Variants in COL19A1 observed in about 807,000 individuals in gnomAD.
COL19A1 encodes the protein collagen alpha-1(XIX) chain.
In COL19A1, 159 loss-of-function variants were observed where a neutral mutation model predicts 190.2. That is an observed-to-expected ratio of 0.84 (90% confidence interval 0.73 to 0.95). The LOEUF is 0.95. COL19A1 is among the 40% of genes least tolerant of loss of function. The pLI, the probability that COL19A1 is intolerant of heterozygous loss-of-function variation, is 0.00. For synonymous variants in COL19A1, 509 were observed against 458.9 expected (o/e 1.11, Z -1.39); for missense variants, 1,418 against 1,431.9 (o/e 0.99, Z 0.16).
intron 4 of COL19A1, among the ~76,000 whole-genome samples, chr6:69,921,360 AT>A (rs1465571902): frequency 1.0e-5 from 1 of 100,464 alleles, no homozygotes; most frequent in Non-Finnish European, 1.8e-5. Flanking sequence ...TATCATAATC[AT>A]ATATATCATA....
intron 17 of COL19A1, among the ~76,000 whole-genome samples, chr6:70,129,528 G>A (rs909543253): frequency 6.6e-6 from 1 of 152,190 alleles, no homozygotes; most frequent in African/African-American, 2.4e-5. Flanking sequence ...CATGCACATG[G>A]GTTGGTACAT....
chr6:69,976,373 G>C (rs930102306), intron 11 of COL19A1, among the ~76,000 whole-genome samples: 6 of 152,132 alleles, frequency 3.9e-5, no homozygotes, highest in Non-Finnish European at 1.5e-5. Context: ...CTGGGTTTTG[G>C]AATATATTTG....
intron 33 of COL19A1, 34 bp downstream of exon 33, chr6:70,156,403 G>GGA: frequency 6.2e-7 from 1 of 1,603,324 alleles, no homozygotes; most frequent in Non-Finnish European, 8.5e-7. Context: ...TCCCCTGTGG[G>GGA]AACCTCAATT....
intron 2 of COL19A1, among the ~76,000 whole-genome samples, chr6:69,884,888 G>A (rs117913500): frequency 0.1 from 15,093 of 144,906 alleles, 958 homozygotes; most frequent in Middle Eastern, 0.31. Flanking sequence ...ACTGAGTCTC[G>A]CTCTGTTGCC....
chr6:70,175,697 TA>T (rs1472858135), intron 41 of COL19A1, among the ~76,000 whole-genome samples: 1 of 152,142 alleles, frequency 6.6e-6, no homozygotes, highest in Non-Finnish European at 1.5e-5. Flanking sequence ...TTAATTTTTT[TA>T]TCCTCTCAGT....
intron 5 of COL19A1, among the ~76,000 whole-genome samples, chr6:69,929,014 T>G (rs1772578195): frequency 6.6e-6 from 1 of 152,132 alleles, no homozygotes. Context: ...ACATTCTTAG[T>G]CTTCTTAAAT....
At chr6:70,082,456 A>C (rs1782310913) in intron 15 of COL19A1, among the ~76,000 whole-genome samples, 1 of 152,168 alleles carries the variant, frequency 6.6e-6, no homozygotes, top group African/African-American at 2.4e-5. Flanking sequence ...TGTCTTCCCC[A>C]GGCTGGAGTG....
intron 14 of COL19A1, among the ~76,000 whole-genome samples, chr6:70,062,634 T>C (rs936640772): frequency 3.5e-4 from 53 of 152,156 alleles, no homozygotes; most frequent in Middle Eastern, 6.8e-3. Flanking sequence ...GTAACAATAT[T>C]AACCTTAAAT....
intron 27 of COL19A1, among the ~76,000 whole-genome samples, chr6:70,147,431 T>C (rs1786738026): frequency 1.3e-5 from 2 of 152,100 alleles, no homozygotes; most frequent in Admixed American, 6.6e-5. Context: ...TAATGACCAC[T>C]ATATCCACAC....
chr6:70,177,445 C>T (rs75625971), intron 42 of COL19A1, among the ~76,000 whole-genome samples: 5,896 of 152,134 alleles, frequency 0.039, 153 homozygotes, highest in Non-Finnish European at 0.059. Flanking sequence ...ACAAAGTGCT[C>T]AGAGCCACTC....
intron 16 of COL19A1, among the ~76,000 whole-genome samples, chr6:70,121,512 A>T (rs1784877681): frequency 6.6e-6 from 1 of 152,224 alleles, no homozygotes; most frequent in Non-Finnish European, 1.5e-5. Context: ...GTTCTATAGT[A>T]CATTGATCAA....
chr6:70,006,052 C>A (rs540835564), intron 11 of COL19A1, among the ~76,000 whole-genome samples: 2 of 152,126 alleles, frequency 1.3e-5, no homozygotes, highest in Non-Finnish European at 2.9e-5. Flanking sequence ...CTTTTTCAGT[C>A]TCCCTTGAAA....
At chr6:70,119,624 A>C (rs6455355) in intron 16 of COL19A1, among the ~76,000 whole-genome samples, 1 of 151,946 alleles carries the variant, frequency 6.6e-6, no homozygotes, top group African/African-American at 2.4e-5. Context: ...CTAATGTTAA[A>C]TATTAGCCCT....
intron 11 of COL19A1, among the ~76,000 whole-genome samples, chr6:70,007,562 C>T (rs1777709834): frequency 6.6e-6 from 1 of 151,560 alleles, no homozygotes; most frequent in Non-Finnish European, 1.5e-5. Context: ...CCTAACAGAG[C>T]CTCAAAATGC....
Position 70,161,930 on chromosome 6 carries a change from G to A in COL19A1, c.2323G>A (p.Ala775Thr). ...TCAAGGAATTCCAGGCATTCCAGGTGCTCCAGGCCCGACTGGACCCCCTGT... is the reference window on the plus strand; with the variant it reads ...TCAAGGAATTCCAGGCATTCCAGGTACTCCAGGCCCGACTGGACCCCCTGT... ...GLQGIPGIPGAPGPTGPPGLM... is the reference protein window; with the variant it reads ...GLQGIPGIPGTPGPTGPPGLM... The change falls in exon 35 of 51, where the codon GCT (alanine) becomes ACT (threonine). Residue 775 changes from alanine to threonine, a missense_variant. By Grantham distance (58) the Ala-to-Thr change is moderately conservative (BLOSUM62 0). Coordinates refer to ENST00000620364, the MANE Select transcript of COL19A1 (RefSeq NM_001858.6). 1 of 1,606,394 alleles carries A rather than the reference G, an allele frequency of 6.2e-7. No individual in the cohort carries two copies. Among genetic ancestry groups the A allele is most frequent in the Non-Finnish European group, 8.5e-7 (1 of 1,176,464 alleles).
chr6:69,878,012 A>AAAAT (rs968327799), intron 1 of COL19A1, among the ~76,000 whole-genome samples: 38 of 151,922 alleles, frequency 2.5e-4, no homozygotes, highest in African/African-American at 7.7e-4. Flanking sequence ...CTCTGTCTCC[A>AAAAT]AAATAAATAA....
chr6:70,067,060 A>G (rs1781275141), intron 14 of COL19A1, among the ~76,000 whole-genome samples: 2 of 152,194 alleles, frequency 1.3e-5, no homozygotes, highest in South Asian at 4.1e-4. Context: ...AGAGTAACAA[A>G]TCATTACATG....
chr6:70,076,863 A>C (rs1351046192), intron 15 of COL19A1, among the ~76,000 whole-genome samples: 1 of 152,198 alleles, frequency 6.6e-6, no homozygotes, highest in Non-Finnish European at 1.5e-5. Flanking sequence ...CTGCATCAGG[A>C]TCTTTATTCA....
intron 14 of COL19A1, among the ~76,000 whole-genome samples, chr6:70,036,628 A>G (rs1779366536): frequency 6.6e-6 from 1 of 152,140 alleles, no homozygotes; most frequent in Non-Finnish European, 1.5e-5. Context: ...TAACTTAAAT[A>G]AGACTCTAAG....
Sources: gnomAD v4.1 joint callset for allele counts (sites outside exome capture counted in the v4.1 genomes callset) on GRCh38, gnomAD v4.1.1 for gene constraint, MANE v1.5 for transcripts, NCBI Gene and HGNC (gene_info 2026-07-23, HGNC 2026-07-21) for gene names.